The following METTL21A variants were observed in gnomAD, a reference collection of about 807,000 sequenced individuals.
METTL21A encodes protein N-lysine methyltransferase METTL21A.
METTL21A carries 22 observed loss-of-function variants against 20.9 expected under a neutral mutation model. The observed-to-expected ratio is 1.05, with a 90% CI of 0.75 to 1.50. The LOEUF is 1.50. Ranked by LOEUF, METTL21A falls within the 40% of genes most tolerant of loss-of-function variation. METTL21A has a pLI of 0.00. For synonymous variants in METTL21A, 93 were observed against 102.0 expected (o/e 0.91, Z 0.53); for missense variants, 271 against 266.8 (o/e 1.02, Z -0.11).
At chr2:207,613,706 G>A (rs2089293791) in intron 3 of METTL21A, among the ~76,000 whole-genome samples, 1 of 152,246 alleles carries the variant, frequency 6.6e-6, no homozygotes, top group African/African-American at 2.4e-5. Flanking sequence ...AGAATTGGCT[G>A]GGTGTGGTGG....
rs538834503 is a variant in METTL21A, at chr2:207,623,011, G to A, written c.148-1094C>T. 9.9e-5 allele frequency among the ~76,000 whole-genome samples: 15 copies of A among 151,984 alleles called. No individual in the cohort carries two copies. The South Asian group carries it at 2.5e-3, about 25-fold the overall frequency. ...CAACCTCTGCCTCCCAGGTTCAAGCGATTCTCCTGCCTCAGCCTTCCGAGT... is the reference window on the plus strand; with the variant it reads ...CAACCTCTGCCTCCCAGGTTCAAGCAATTCTCCTGCCTCAGCCTTCCGAGT... On this transcript the variant is annotated intron_variant, in intron 2 of 3. Transcript: ENST00000406927.
intron 3 of METTL21A, chr2:207,597,609 GAATTAGA>G (rs1288304845): frequency 2.4e-5 from 5 of 209,004 alleles, no homozygotes; most frequent in Non-Finnish European, 3.9e-5. Flanking sequence ...GGTATTGAAG[GAATTAGA>G]AATGAATTTG....
At chr2:207,593,691 A>G (rs1226390289) in intron 3 of METTL21A, among the ~76,000 whole-genome samples, 3 of 151,286 alleles carry the variant, frequency 2.0e-5, no homozygotes, top group Non-Finnish European at 2.9e-5. Flanking sequence ...TGTGCTTTAC[A>G]TATATTAACT....
chr2:207,583,748 T>C (rs2083341317), intron 3 of METTL21A, among the ~76,000 whole-genome samples: 1 of 152,234 alleles, frequency 6.6e-6, no homozygotes, highest in African/African-American at 2.4e-5. Flanking sequence ...CAGTGTCATG[T>C]ATCTGTCACC....
At chr2:207,602,538 C>T (rs2087256616) in intron 3 of METTL21A, 1 of 210,306 alleles carries the variant, frequency 4.8e-6, no homozygotes, top group Admixed American at 5.9e-5. Flanking sequence ...AGGAGCATCT[C>T]AGAGAAGTGA....
downstream of METTL21A, among the ~76,000 whole-genome samples, chr2:207,606,401 G>T (rs914582053): frequency 6.6e-6 from 1 of 152,174 alleles, no homozygotes; most frequent in Admixed American, 6.5e-5. Flanking sequence ...AGAATCACTT[G>T]AACCCAGGAG....
At chr2:207,613,521 T>G in intron 3 of METTL21A, 78 bp from the exon 4 acceptor site, 1 of 1,334,876 alleles carries the variant, frequency 7.5e-7, no homozygotes, top group Non-Finnish European at 1.0e-6. Context: ...AAGTTAAATG[T>G]AGAGTGTCTC....
chr2:207,613,845 C>T (rs1254613924), intron 3 of METTL21A, among the ~76,000 whole-genome samples: 4 of 152,132 alleles, frequency 2.6e-5, no homozygotes, highest in Non-Finnish European at 5.9e-5. Flanking sequence ...GTGGCGGGCA[C>T]CTGTAATCCC....
intron 3 of METTL21A, among the ~76,000 whole-genome samples, chr2:207,618,363 A>G (rs1412432491): frequency 6.6e-6 from 1 of 152,202 alleles, no homozygotes; most frequent in African/African-American, 2.4e-5. Context: ...GCTTTTTCCA[A>G]TATGTATATA....
chr2:207,621,697 GATA>G, intron 3 of METTL21A, 106 bp downstream of exon 3: 12 of 945,624 alleles, frequency 1.3e-5, no homozygotes, highest in Non-Finnish European at 1.7e-5. Context: ...ATAAGCAAAA[GATA>G]ATAACCCAGT....
intron 3 of METTL21A, chr2:207,600,238 C>CATATATATAT (rs71036937): frequency 1.9e-4 from 28 of 145,688 alleles, no homozygotes; most frequent in Non-Finnish European, 3.4e-4. Flanking sequence ...TATATGTGTA[C>CATATATATAT]ATATATATAT....
rs199797740 is a variant in METTL21A, at chr2:207,624,220, C to A, written c.147+9G>T. 99 of 1,594,434 alleles carry A rather than the reference C, an allele frequency of 6.2e-5. No homozygotes were observed. Among genetic ancestry groups the A allele is most frequent in the Non-Finnish European group, 8.2e-5 (96 of 1,171,850 alleles). On this transcript the variant is annotated intron_variant, in intron 2 of 3. Transcript: ENST00000406927. ...GAACGTTTTCAGAGGTCCCCCAGGG[C>A]TTACTTACCGCATCCCAAACCACCG...
intron 3 of METTL21A, chr2:207,602,889 C>G (rs1024246025): frequency 1.8e-5 from 4 of 217,462 alleles, no homozygotes; most frequent in Admixed American, 1.2e-4. Context: ...TTGTAACTCC[C>G]CCACTCCCTG....
downstream of METTL21A, among the ~76,000 whole-genome samples, chr2:207,608,305 A>C (rs78794713): frequency 2.1e-3 from 321 of 152,106 alleles, 15 homozygotes; most frequent in East Asian, 0.053. Flanking sequence ...TTCACACCCT[A>C]ATCTCAATCT....
chr2:207,602,034 GA>G (rs1270305081), intron 3 of METTL21A: 1 of 205,256 alleles, frequency 4.9e-6, no homozygotes, highest in Admixed American at 6.0e-5. Context: ...AGTCAGTATG[GA>G]AAATTTTCAA....
At chr2:207,595,401 G>A (rs1314036887) in intron 3 of METTL21A, among the ~76,000 whole-genome samples, 3 of 151,902 alleles carry the variant, frequency 2.0e-5, no homozygotes, top group African/African-American at 7.3e-5. Flanking sequence ...GAGTTCAAAA[G>A]TTCTTTATAT....
rs952087300 is a variant in METTL21A at position 207,602,384 on chromosome 2, A to C, written c.259+19422T>G. The C allele has an allele frequency of 3.5e-5, 7 of 202,426 alleles. No homozygotes were observed. In the East Asian group the frequency reaches 5.3e-4, roughly 15 times the overall value. The allele number at this position is 202,426 out of a possible 1,614,324, so 12.5% of individuals were successfully genotyped here. On this transcript the variant is annotated intron_variant, in intron 3 of 3. Transcript: ENST00000425132. ...GTCCCAGCTGGGTATGACATGATAC[A>C]TTTTTAATTATTCTCACCAGCAAGT...
In METTL21A at chr2:207,597,275, G is replaced by A. The variant is rs192082921; in HGVS notation, c.260-15115C>T. On this transcript the variant is annotated intron_variant, in intron 3 of 3. Transcript: ENST00000425132. ...CTTCTCCCCTCAAGAAATTTTCAAC[G>A]CCAGGAATCATGAAGAGACTTCTGC... The A allele has an allele frequency of 4.8e-5, 22 of 454,944 alleles. No homozygotes were observed. In the East Asian group the frequency reaches 7.2e-4, roughly 15 times the overall value. The allele number at this position is 454,944 out of a possible 1,614,324, so 28.2% of individuals were successfully genotyped here.
downstream of METTL21A, chr2:207,581,011 G>A (rs2082894233): frequency 4.6e-6 from 1 of 218,190 alleles, no homozygotes; most frequent in African/African-American, 2.2e-5. Flanking sequence ...ACAGGAAGTG[G>A]AGAGTGAAAA....
Sources: gnomAD v4.1 joint callset for allele counts (sites outside exome capture counted in the v4.1 genomes callset) on GRCh38, gnomAD v4.1.1 for gene constraint, MANE v1.5 for transcripts, NCBI Gene and HGNC (gene_info 2026-07-23, HGNC 2026-07-21) for gene names.